Variants in TUSC3 observed in about 807,000 individuals in gnomAD.
The protein encoded by TUSC3 is tumor suppressor candidate 3, also known as dolichyl-diphosphooligosaccharide--protein glycosyltransferase subunit TUSC3.
Under a neutral mutation model 44.8 loss-of-function variants are expected in TUSC3, and 45 were observed. The ratio of observed to expected loss-of-function variants is 1.00; its 90% confidence interval spans 0.79 to 1.29. The LOEUF (loss-of-function observed/expected upper bound fraction) is 1.29, where lower values mean the gene tolerates loss of function less well. TUSC3 is among the 50% of genes most tolerant of loss of function. The pLI, the probability that TUSC3 is intolerant of heterozygous loss-of-function variation, is 0.00. For missense variants in TUSC3, 519 were observed against 437.9 expected (o/e 1.19, Z -1.65); for synonymous variants, 212 against 152.9 (o/e 1.39, Z -2.85).
chr8:15,585,376 T>C (rs1023787275), intron 1 of TUSC3, among the ~76,000 whole-genome samples: 1 of 152,006 alleles, frequency 6.6e-6, no homozygotes, highest in Non-Finnish European at 1.5e-5. Context: ...TCACCTGGAG[T>C]TCTTTTTCTC....
At chr8:15,704,254 G>GT (rs1668219367) in intron 6 of TUSC3, among the ~76,000 whole-genome samples, 8 of 78,292 alleles carry the variant, frequency 1.0e-4, no homozygotes, top group Non-Finnish European at 1.8e-4. Flanking sequence ...CATTCTTAAT[G>GT]GTTTTTTTTT....
intron 3 of TUSC3, among the ~76,000 whole-genome samples, chr8:15,657,157 A>C (rs936669353): frequency 3.3e-5 from 5 of 152,142 alleles, no homozygotes; most frequent in African/African-American, 1.2e-4. Flanking sequence ...CTCCTTATAA[A>C]TAGTCCTTAG....
At chr8:15,576,190 G>A (rs1160599632) in intron 1 of TUSC3, among the ~76,000 whole-genome samples, 3 of 146,198 alleles carry the variant, frequency 2.1e-5, no homozygotes, top group Admixed American at 6.8e-5. Context: ...TGAATTATTA[G>A]TTCACTAGTT....
At chr8:15,470,071 CAT>C (rs1351310038) in intron 1 of TUSC3, among the ~76,000 whole-genome samples, 2 of 150,098 alleles carry the variant, frequency 1.3e-5, no homozygotes, top group African/African-American at 2.5e-5. Flanking sequence ...GCCTGGGAAA[CAT>C]AGGAAAACCT....
intron 3 of TUSC3, among the ~76,000 whole-genome samples, chr8:15,657,239 T>A (rs889308986): frequency 5.3e-5 from 8 of 152,218 alleles, no homozygotes; most frequent in Admixed American, 1.3e-4. Context: ...GTTTTCCAAA[T>A]CTTTATGTTT....
chr8:15,541,353 C>CA (rs1219769114), intron 1 of TUSC3, among the ~76,000 whole-genome samples: 3 of 152,112 alleles, frequency 2.0e-5, no homozygotes, highest in African/African-American at 7.2e-5. Flanking sequence ...GCTGCTTCAG[C>CA]AAAAATAGTT....
chr8:15,564,231 T>C (rs1802583479), intron 1 of TUSC3, among the ~76,000 whole-genome samples: 1 of 152,146 alleles, frequency 6.6e-6, no homozygotes, highest in South Asian at 2.1e-4. Flanking sequence ...AGGTTATTAA[T>C]ATTATGGAGA....
chr8:15,660,904 T>TA (rs60971907), intron 4 of TUSC3, among the ~76,000 whole-genome samples: 25,921 of 95,044 alleles, frequency 0.27, 2,291 homozygotes, highest in Middle Eastern at 0.34. Context: ...AAACTTTTGT[T>TA]AAAAAAAAAA....
chr8:15,802,958 G>A, the TUSC3 span, among the ~76,000 whole-genome samples: 19 of 151,890 alleles, frequency 1.3e-4, no homozygotes, highest in African/African-American at 3.4e-4. Flanking sequence ...CAATAACTGC[G>A]GCATAAAAAG....
chr8:15,574,277 C>T (rs1422138889), intron 1 of TUSC3, among the ~76,000 whole-genome samples: 6 of 152,044 alleles, frequency 3.9e-5, no homozygotes, highest in Admixed American at 3.9e-4. Flanking sequence ...ATAGAGACTC[C>T]ACCTTTTGCA....
intron 2 of TUSC3, among the ~76,000 whole-genome samples, chr8:15,630,114 T>G (rs1288406811): frequency 1.3e-5 from 2 of 152,174 alleles, no homozygotes; most frequent in Non-Finnish European, 2.9e-5. Context: ...TTCCAGGGTT[T>G]ATTACAAAAT....
chr8:15,682,778 CTGT>C lies in TUSC3; in HGVS notation c.798+8947_798+8949del, dbSNP rs150244387. On this transcript the variant is annotated intron_variant, in intron 6 of 10. Transcript: ENST00000503731. ...CTTATGTGTGTTTCTGTGGTGGCAG[CTGT>C]TGTTCTTTTGTTTCCATGTCTAGAA... 1.3e-3 allele frequency among the ~76,000 whole-genome samples: 197 copies of C among 148,744 alleles called. 3 individuals are homozygous for C. The highest frequency in any genetic ancestry group is 4.5e-3 in the African/African-American group (186 of 40,886).
intron 1 of TUSC3, among the ~76,000 whole-genome samples, chr8:15,594,128 C>G (rs1237662721): frequency 2.6e-5 from 4 of 152,074 alleles, no homozygotes; most frequent in African/African-American, 9.7e-5. Flanking sequence ...TAAAGTTGTC[C>G]CATAGTTCGC....
rs551402365 is a variant in TUSC3, at chr8:15,696,164, A to T, written c.798+22328A>T. On this transcript the variant is annotated intron_variant, in intron 6 of 10. Transcript: ENST00000503731. ...CCCATCACAGGCCCAGAGGCCTAGGAGGCAAAAATAGTTTCGTGGGCTGGG... is the reference window on the plus strand; with the variant it reads ...CCCATCACAGGCCCAGAGGCCTAGGTGGCAAAAATAGTTTCGTGGGCTGGG... 1.7e-4 allele frequency among the ~76,000 whole-genome samples: 26 copies of T among 152,272 alleles called. 2 individuals carry two copies. In the South Asian group the frequency reaches 4.8e-3, roughly 28 times the overall value.
the TUSC3 span, among the ~76,000 whole-genome samples, chr8:15,772,548 C>T: frequency 6.6e-6 from 1 of 152,066 alleles, no homozygotes; most frequent in Non-Finnish European, 1.5e-5. Context: ...AAGGAAAACC[C>T]AAGACCAGAT....
At chr8:15,575,415 A>G (rs1332903818) in intron 1 of TUSC3, among the ~76,000 whole-genome samples, 1 of 151,804 alleles carries the variant, frequency 6.6e-6, no homozygotes, top group African/African-American at 2.4e-5. Flanking sequence ...AATATCTAAC[A>G]TATGTGTGTA....
intron 1 of TUSC3, among the ~76,000 whole-genome samples, chr8:15,553,393 T>C (rs1002655567): frequency 3.3e-5 from 5 of 151,576 alleles, no homozygotes; most frequent in Non-Finnish European, 7.4e-5. Context: ...TGGACTTCGT[T>C]GCTGGAGGAG....
At chr8:15,747,084 A>G (rs546396657) in intron 8 of TUSC3, among the ~76,000 whole-genome samples, 39 of 152,200 alleles carry the variant, frequency 2.6e-4, no homozygotes, top group African/African-American at 8.9e-4. Context: ...TTCAAAACTT[A>G]GAAGATATTC....
chr8:15,794,712 C>T, the TUSC3 span, among the ~76,000 whole-genome samples: 1 of 32,672 alleles, frequency 3.1e-5, no homozygotes, highest in African/African-American at 1.0e-4. Flanking sequence ...GGAGAGGAAG[C>T]CTAATAATGC....
Sources: gnomAD v4.1 joint callset for allele counts (sites outside exome capture counted in the v4.1 genomes callset) on GRCh38, gnomAD v4.1.1 for gene constraint, MANE v1.5 for transcripts, NCBI Gene and HGNC (gene_info 2026-07-23, HGNC 2026-07-21) for gene names.